The following PTPN4 variants were observed in gnomAD, a reference collection of about 807,000 sequenced individuals.
PTPN4 encodes tyrosine-protein phosphatase non-receptor type 4.
Under a neutral mutation model 135.5 loss-of-function variants are expected in PTPN4, and 49 were observed. The ratio of observed to expected loss-of-function variants is 0.36; its 90% confidence interval spans 0.29 to 0.46. PTPN4 has a LOEUF of 0.46. Among genes scored for constraint, PTPN4 ranks in the 20% least tolerant of loss-of-function variants. The pLI is 1.00. For missense variants in PTPN4, 860 were observed against 1,101.0 expected, an observed-to-expected ratio of 0.78 and a Z score of 3.10; for synonymous variants, 333 against 369.9, an observed-to-expected ratio of 0.90 and a Z score of 1.14.
chr2:119,901,363 G>A (rs933815540), intron 10 of PTPN4, among the ~76,000 whole-genome samples: 1 of 152,194 alleles, frequency 6.6e-6, no homozygotes, highest in African/African-American at 2.4e-5. Context: ...TAAAATAACT[G>A]TAAGGCTCAG....
At chr2:119,895,795 C>G (rs1346464889) in intron 9 of PTPN4, among the ~76,000 whole-genome samples, 2 of 151,138 alleles carry the variant, frequency 1.3e-5, no homozygotes, top group African/African-American at 4.9e-5. Flanking sequence ...GTGGCGGGCT[C>G]AGTCCCAGCT....
intron 26 of PTPN4, among the ~76,000 whole-genome samples, chr2:119,973,146 A>G (rs1370355014): frequency 1.3e-5 from 2 of 152,038 alleles, no homozygotes; most frequent in Admixed American, 6.6e-5. Context: ...CTCTATATCC[A>G]TTAAAAAAAA....
chr2:119,809,467 C>T (rs1333299634), intron 1 of PTPN4, among the ~76,000 whole-genome samples: 1 of 151,762 alleles, frequency 6.6e-6, no homozygotes, highest in East Asian at 1.9e-4. Context: ...TGTCATTCTA[C>T]AGTGCTTTAA....
chr2:119,869,814 A>C (rs1677883105), intron 3 of PTPN4, among the ~76,000 whole-genome samples: 1 of 152,248 alleles, frequency 6.6e-6, no homozygotes, highest in Admixed American at 6.5e-5. Flanking sequence ...GCAGACAAGA[A>C]ATTTTCAAGA....
At chr2:119,811,850 T>C (rs1433908798) in intron 2 of PTPN4, among the ~76,000 whole-genome samples, 1 of 152,024 alleles carries the variant, frequency 6.6e-6, no homozygotes, top group Non-Finnish European at 1.5e-5. Context: ...GCTGTCTAGT[T>C]ACTCTTTTAG....
At chr2:119,879,543 A>G (rs1194399407) in intron 5 of PTPN4, among the ~76,000 whole-genome samples, 1 of 152,232 alleles carries the variant, frequency 6.6e-6, no homozygotes, top group Non-Finnish European at 1.5e-5. Flanking sequence ...CTTTAAAACC[A>G]TAATGATGTC....
intron 8 of PTPN4, among the ~76,000 whole-genome samples, chr2:119,884,815 G>GTT (rs1415505102): frequency 6.1e-4 from 92 of 152,020 alleles, no homozygotes; most frequent in African/African-American, 2.2e-3. Context: ...TTTTTTTTGA[G>GTT]GAGTCGTGTT....
chr2:119,904,078 T>C (rs34138542), intron 10 of PTPN4, among the ~76,000 whole-genome samples: 1,933 of 152,172 alleles, frequency 0.013, 16 homozygotes, highest in Non-Finnish European at 0.02. Flanking sequence ...TGTGCAGATA[T>C]CAACGTATAA....
At chr2:119,854,573 T>C (rs958381509) in intron 2 of PTPN4, among the ~76,000 whole-genome samples, 3 of 152,162 alleles carry the variant, frequency 2.0e-5, no homozygotes, top group African/African-American at 7.2e-5. Context: ...TTGGAGTCGA[T>C]CTAAGGGTCC....
Position 119,780,528 on chromosome 2 carries a change from T to C in PTPN4, c.-18+20144T>C, listed in dbSNP as rs537193559. On this transcript the variant is annotated intron_variant, in intron 1 of 26. Transcript: ENST00000263708. ...CGCTCCCCCATCCTTTTACATCTAC[T>C]CCTCACATTTTCGAAGAATCCAGGC... Among the ~76,000 whole-genome samples the C allele has an allele frequency of 4.6e-5, 7 of 152,304 alleles. No individual in the cohort carries two copies. The South Asian group carries it at 1.4e-3, about 32-fold the overall frequency.
intron 9 of PTPN4, among the ~76,000 whole-genome samples, chr2:119,892,471 G>A (rs1181024601): frequency 1.3e-5 from 2 of 152,146 alleles, no homozygotes; most frequent in African/African-American, 4.8e-5. Context: ...GCTGAGAAAG[G>A]GGAATTAAGA....
At chr2:119,875,142 T>G (rs1038324529) in intron 3 of PTPN4, among the ~76,000 whole-genome samples, 4 of 152,124 alleles carry the variant, frequency 2.6e-5, no homozygotes, top group Non-Finnish European at 5.9e-5. Flanking sequence ...AGAACTTGTT[T>G]ATATATTATG....
intron 12 of PTPN4, among the ~76,000 whole-genome samples, chr2:119,921,889 G>A (rs995598309): frequency 6.6e-5 from 10 of 152,068 alleles, no homozygotes; most frequent in African/African-American, 2.4e-4. Context: ...GTTATACAAG[G>A]ACTACTCTTA....
chr2:119,922,340 A>G (rs1292779838), intron 12 of PTPN4, among the ~76,000 whole-genome samples: 2 of 152,172 alleles, frequency 1.3e-5, no homozygotes, highest in African/African-American at 2.4e-5. Context: ...TTTTTCGACA[A>G]AACTGGGATT....
At chr2:119,845,673 C>T (rs1044497661) in intron 2 of PTPN4, among the ~76,000 whole-genome samples, 13 of 152,132 alleles carry the variant, frequency 8.5e-5, no homozygotes, top group South Asian at 2.1e-4. Flanking sequence ...AACTAACTTT[C>T]GGTTCTGTTG....
intron 1 of PTPN4, among the ~76,000 whole-genome samples, chr2:119,764,694 G>T (rs1690574781): frequency 6.7e-6 from 1 of 148,508 alleles, no homozygotes; most frequent in Non-Finnish European, 1.5e-5. Context: ...AATTTTCTTA[G>T]GTTAAAAAAA....
intron 19 of PTPN4, 82 bp from the exon 20 acceptor site, chr2:119,955,075 T>C: frequency 1.6e-6 from 2 of 1,244,050 alleles, no homozygotes; most frequent in South Asian, 1.5e-5. Context: ...CAAAACATTA[T>C]ACAGTGTATC....
chr2:119,955,337 T>C lies in PTPN4; in HGVS notation c.1980+14T>C, dbSNP rs1053701747. ...ACACAGTTTGATGTAAGTAATATCATTATATATTAAAAGCATTTTGCTGAT... is the reference window on the plus strand; with the variant it reads ...ACACAGTTTGATGTAAGTAATATCACTATATATTAAAAGCATTTTGCTGAT... On this transcript the variant is annotated intron_variant, in intron 20 of 26. Coordinates refer to ENST00000263708, the MANE Select transcript of PTPN4 (RefSeq NM_002830.4). 1.3e-6 allele frequency: 2 copies of C among 1,542,320 alleles called. No homozygotes were observed. Among genetic ancestry groups the C allele is most frequent in the Non-Finnish European group, 1.7e-6 (2 of 1,145,358 alleles).
At chr2:119,762,015 T>C (rs1271595715) in intron 1 of PTPN4, among the ~76,000 whole-genome samples, 1 of 152,210 alleles carries the variant, frequency 6.6e-6, no homozygotes, top group Non-Finnish European at 1.5e-5. Context: ...AAATATCTTT[T>C]AAAATGTCCC....
Sources: allele counts gnomAD v4.1 joint callset (sites outside exome capture counted in the v4.1 genomes callset), GRCh38; gene constraint gnomAD v4.1.1; transcripts MANE v1.5; gene names NCBI Gene and HGNC (gene_info 2026-07-23, HGNC 2026-07-21).